CIT: variants seen among roughly 807,000 people sequenced by gnomAD.
CIT encodes the protein citron rho-interacting serine/threonine kinase.
In CIT, 79 loss-of-function variants were observed where a neutral mutation model predicts 272.7. The observed-to-expected ratio is 0.29, with a 90% CI of 0.24 to 0.35. The LOEUF is 0.35. Among genes scored for constraint, CIT ranks in the 10% least tolerant of loss-of-function variants. CIT has a pLI of 1.00. For missense variants in CIT, 1,909 were observed against 2,618.3 expected (o/e 0.73, Z 5.91); for synonymous variants, 948 against 995.6 (o/e 0.95, Z 0.90).
rs35690078 is a variant in CIT at position 119,716,378 on chromosome 12, CAAAAAAAAAAAAAAAAAA to C, written c.4168+1849_4168+1866del. Among the ~76,000 whole-genome samples the C allele has an allele frequency of 3.2e-3, 57 of 17,800 alleles. 2 individuals carry two copies. The highest frequency in any genetic ancestry group is 0.017 in the Admixed American group (17 of 972). 11.7% of individuals were successfully genotyped at this position (17,800 alleles called of 152,430 possible). A position where few individuals can be genotyped will look rare whatever the true frequency, so the allele number is the denominator to read the frequency against. On this transcript the variant is annotated intron_variant, in intron 32 of 47. Transcript: ENST00000392521. ...TGGGCGACAGAGCGAGACTCTGTCT[CAAAAAAAAAAAAAAAAAA>C]AAAAAAAAAAAAAAAAAAGTAAAGC...
At chr12:119,776,255 A>G (rs540845043) in intron 15 of CIT, 103 bp downstream of exon 15, 1 of 881,170 alleles carries the variant, frequency 1.1e-6, no homozygotes, top group Non-Finnish European at 1.9e-6. Context: ...GTCTCTATTC[A>G]TTGATGAAGA....
chr12:119,858,279 G>T (rs1396928392), intron 3 of CIT, among the ~76,000 whole-genome samples: 3 of 152,200 alleles, frequency 2.0e-5, no homozygotes, highest in Non-Finnish European at 4.4e-5. Context: ...CACTTTGGGA[G>T]GCCTAGGCAA....
chr12:119,831,721 T>A (rs1968648003), intron 7 of CIT, among the ~76,000 whole-genome samples: 1 of 151,982 alleles, frequency 6.6e-6, no homozygotes, highest in African/African-American at 2.4e-5. Context: ...TACAAAAAAT[T>A]AGCTGGGCAT....
At chr12:119,841,990 G>T (rs993763102) in intron 5 of CIT, among the ~76,000 whole-genome samples, 1 of 152,206 alleles carries the variant, frequency 6.6e-6, no homozygotes, top group Non-Finnish European at 1.5e-5. Context: ...GGAAGTCATT[G>T]TAAGGTTAGA....
Position 119,784,913 on chromosome 12 carries a change from G to A in CIT, c.1401+47C>T, listed in dbSNP as rs917064950. The A allele has an allele frequency of 1.2e-5, 20 of 1,607,712 alleles. No homozygotes were observed. The highest frequency in any genetic ancestry group is 1.4e-5 in the Non-Finnish European group (16 of 1,176,964). On this transcript the variant is annotated intron_variant, in intron 11 of 47. Transcript: ENST00000392521. The surrounding 1 kb of genome is among the most constrained non-coding windows in gnomAD (Gnocchi z 4.7). The stretch of plus-strand genomic sequence containing the variant: ...GGCGGATCCCTTGGCATATACGGAC[G>A]GGAGGATCCTGGAGCAAGGAAGGAG...
intron 3 of CIT, among the ~76,000 whole-genome samples, chr12:119,861,979 T>C (rs890993339): frequency 5.9e-5 from 9 of 151,474 alleles, no homozygotes; most frequent in Non-Finnish European, 1.0e-4. Context: ...GAGTTTTCTC[T>C]GGTTGGTTAG....
chr12:119,782,767 C>T (rs962174151), intron 12 of CIT, 130 bp from the exon 13 acceptor site: 11 of 1,182,666 alleles, frequency 9.3e-6, no homozygotes, highest in Middle Eastern at 2.2e-4. Flanking sequence ...CAGTTCACAA[C>T]TTCCAGTTGG....
At chr12:119,800,952 C>T (rs894412481) in intron 10 of CIT, among the ~76,000 whole-genome samples, 1 of 152,180 alleles carries the variant, frequency 6.6e-6, no homozygotes, top group Admixed American at 6.5e-5. Context: ...GGGCTGCCTA[C>T]AGCAGAGTAG....
intron 30 of CIT, among the ~76,000 whole-genome samples, chr12:119,719,176 T>A (rs904720710): frequency 6.6e-5 from 10 of 152,118 alleles, no homozygotes; most frequent in African/African-American, 2.4e-4. Flanking sequence ...AAAAATGGAA[T>A]CAGGAGAGTA....
Position 119,817,009 on chromosome 12 carries a change from T to C in CIT, c.1111+5811A>G, listed in dbSNP as rs1967248035. On this transcript the variant is annotated intron_variant, in intron 9 of 47. Coordinates refer to ENST00000392521, the MANE Select transcript of CIT (RefSeq NM_001206999.2). Reference sequence around the variant, plus strand: ...CAGTGCCAAGGCTGAGAAACCCTGTTCTAAATAAACAGAAAACAGGACACA... The same window carrying C: ...CAGTGCCAAGGCTGAGAAACCCTGTCCTAAATAAACAGAAAACAGGACACA... 2.0e-5 allele frequency among the ~76,000 whole-genome samples: 3 copies of C among 152,274 alleles called. No homozygotes were observed. In the South Asian group the frequency reaches 6.2e-4, roughly 32 times the overall value.
In CIT at chr12:119,717,862, A is replaced by C. The variant is rs542953897; in HGVS notation, c.4168+383T>G. 4.1e-4 allele frequency among the ~76,000 whole-genome samples: 10 copies of C among 24,226 alleles called. 1 individual carries two copies. The South Asian group carries it at 0.012, about 28-fold the overall frequency. The allele number at this position is 24,226 out of a possible 152,430, so 15.9% of individuals were successfully genotyped here. On this transcript the variant is annotated intron_variant, in intron 32 of 47. Coordinates refer to ENST00000392521, the MANE Select transcript of CIT (RefSeq NM_001206999.2). ...TCTTTTTTTTTTTTTTTTTTTTGAG[A>C]TGGAGTTTCCCTCTTGTTGCCCAGG...
intron 44 of CIT, among the ~76,000 whole-genome samples, chr12:119,698,680 G>C (rs1956372608): frequency 6.6e-6 from 1 of 152,014 alleles, no homozygotes; most frequent in Non-Finnish European, 1.5e-5. Context: ...AGATATGAAA[G>C]AATGCCCAAG....
At chr12:119,853,827 G>A (rs888310374) in intron 4 of CIT, among the ~76,000 whole-genome samples, 11 of 151,992 alleles carry the variant, frequency 7.2e-5, no homozygotes, top group Admixed American at 2.0e-4. Context: ...GTCTGACCCC[G>A]TCTGACCCCT....
Position 119,735,244 on chromosome 12 carries a change from G to A in CIT, c.3072C>T (p.Asp1024=), listed in dbSNP as rs368639066. 45 of 1,614,162 alleles carry A rather than the reference G, an allele frequency of 2.8e-5. No individual in the cohort carries two copies. In the African/African-American group the frequency reaches 2.8e-4, roughly 10 times the overall value. ...KQLDEASGAN[D]EIVQLRSEVD... ...CTTCACTTCGCAGTTGTACAATCTC[G>A]TCGTTGGCGCCAGAAGCCTCATCGA... Residue 1024 remains aspartate, a synonymous_variant, in exon 25 of 48, where the codon GAC becomes GAT. Coordinates refer to ENST00000392521, the MANE Select transcript of CIT (RefSeq NM_001206999.2).
At chr12:119,779,734 A>G (rs554663624) in intron 13 of CIT, among the ~76,000 whole-genome samples, 4 of 152,300 alleles carry the variant, frequency 2.6e-5, no homozygotes, top group South Asian at 2.1e-4. Flanking sequence ...CTGTCAGCAC[A>G]TAAGAGGGAG....
intron 46 of CIT, among the ~76,000 whole-genome samples, chr12:119,696,029 T>C (rs570230531): frequency 1.3e-5 from 2 of 152,338 alleles, no homozygotes; most frequent in Admixed American, 1.3e-4. Context: ...GCATAACCTA[T>C]AGACAGAGAG....
At chr12:119,696,037 G>A (rs1406138057) in intron 46 of CIT, among the ~76,000 whole-genome samples, 1 of 152,198 alleles carries the variant, frequency 6.6e-6, no homozygotes, top group African/African-American at 2.4e-5. Flanking sequence ...TATAGACAGA[G>A]AGGGCTGGCT....
chr12:119,742,518 C>CCCT, intron 23 of CIT, 54 bp from the exon 24 acceptor site: 6 of 1,368,398 alleles, frequency 4.4e-6, no homozygotes, highest in East Asian at 2.3e-5. Context: ...TACAATTCTA[C>CCCT]ATGCTACGGG....
Position 119,803,261 on chromosome 12 carries a change from G to C in CIT, c.1240C>G (p.Leu414Val). 6.2e-7 allele frequency: 1 copy of C among 1,606,848 alleles called. No individual in the cohort carries two copies. The highest frequency in any genetic ancestry group is 8.5e-7 in the Non-Finnish European group (1 of 1,177,354). ...LSPSGFSGEE[L>V]PFVGFSYSKA... is the part of the protein sequence containing the mutation. ...CTGTACGAAAACCCCACAAACGGCA[G>C]TTCTTCACCCGAGAAGCCTGAGGGG... The change falls in exon 10 of 48, where the codon CTG (leucine) becomes GTG (valine). Residue 414 changes from leucine to valine, a missense_variant. Leu to Val is a conservative substitution (Grantham distance 32, BLOSUM62 1). Around this residue, in one of 8 missense-constraint regions of CIT, gnomAD observed 529 missense variants for 549.6 expected, o/e 0.96. Transcript: ENST00000392521.
Sources: allele counts gnomAD v4.1 joint callset (sites outside exome capture counted in the v4.1 genomes callset), GRCh38; gene constraint gnomAD v4.1.1; regional missense constraint gnomAD v4.1.1; non-coding constraint Gnocchi (gnomAD v3.1); transcripts MANE v1.5; gene names NCBI Gene and HGNC (gene_info 2026-07-23, HGNC 2026-07-21).